The following DNAH14 variants were observed in gnomAD, a reference collection of about 807,000 sequenced individuals.
DNAH14 encodes dynein axonemal heavy chain 14.
Under a neutral mutation model 520.9 loss-of-function variants are expected in DNAH14, and 478 were observed. The observed-to-expected ratio is 0.92, with a 90% confidence interval of 0.85 to 0.99. DNAH14 has a LOEUF of 0.99. DNAH14 is among the 50% of genes least tolerant of loss of function. The probability of loss-of-function intolerance (pLI) is 0.00; values close to 1 mark genes in which losing one functional copy is unlikely to be tolerated. For synonymous variants in DNAH14, 1,581 were observed against 1,757.2 expected, an observed-to-expected ratio of 0.90 and a Z score of 2.51; for missense variants, 4,831 against 5,234.5, an observed-to-expected ratio of 0.92 and a Z score of 2.38.
At chr1:225,215,962 C>T (rs555576224) in intron 41 of DNAH14, among the ~76,000 whole-genome samples, 2 of 152,086 alleles carry the variant, frequency 1.3e-5, no homozygotes, top group Non-Finnish European at 2.9e-5. Flanking sequence ...TTATTTTGCT[C>T]GTTAGTTGAT....
chr1:225,368,249 G>A (rs974241101), intron 77 of DNAH14, among the ~76,000 whole-genome samples: 4 of 152,182 alleles, frequency 2.6e-5, no homozygotes, highest in African/African-American at 9.7e-5. Flanking sequence ...GTATAAGTAC[G>A]TAATCTATTG....
Position 225,050,255 on chromosome 1 carries a change from T to C in DNAH14, c.1958T>C (p.Ile653Thr), listed in dbSNP as rs2068413744. The C allele has an allele frequency of 1.9e-6, 3 of 1,549,716 alleles. No homozygotes were observed. Among genetic ancestry groups the C allele is most frequent in the Non-Finnish European group, 2.6e-6 (3 of 1,146,306 alleles). Residue 653 changes from isoleucine to threonine, a missense_variant, in exon 16 of 86, where the codon ATT becomes ACT. Ile to Thr is a moderately conservative substitution (Grantham distance 89). Coordinates refer to ENST00000682510, the MANE Select transcript of DNAH14 (RefSeq NM_001367479.1). ...CAAGATCCCCAGCTGTCTATCTTCA[T>C]TGATTTGGTTTCAATAATGGATTTA... ...LCQDPQLSIF[I>T]DLVSIMDLPN...
chr1:224,961,163 C>A (rs1288600232), intron 4 of DNAH14: 2 of 152,088 alleles, frequency 1.3e-5, no homozygotes, highest in Non-Finnish European at 2.9e-5. Flanking sequence ...GAAATGAATT[C>A]TTCTTACAAC....
chr1:225,325,462 G>A (rs1474880646), intron 64 of DNAH14, among the ~76,000 whole-genome samples: 1 of 147,202 alleles, frequency 6.8e-6, no homozygotes, highest in Non-Finnish European at 1.5e-5. Context: ...TCCAGCCTGG[G>A]CAACAAGAGC....
At position 225,215,465 on chromosome 1, in the gene DNAH14, T is replaced by A. The variant is rs1209477033; in HGVS notation, c.6439+8245T>A. 2.6e-5 allele frequency among the ~76,000 whole-genome samples: 4 copies of A among 152,292 alleles called. No homozygotes were observed. The East Asian group carries it at 7.7e-4, about 29-fold the overall frequency. On this transcript the variant is annotated intron_variant, in intron 41 of 85. Coordinates refer to ENST00000682510, the MANE Select transcript of DNAH14 (RefSeq NM_001367479.1). ...GAGTTCAATTCCTGGATATCTTTGTTAACTTTCTGTCTCGTTGATCTGTCT... is the reference window on the plus strand; with the variant it reads ...GAGTTCAATTCCTGGATATCTTTGTAAACTTTCTGTCTCGTTGATCTGTCT...
chr1:225,177,562 G>A (rs766342900), intron 36 of DNAH14, among the ~76,000 whole-genome samples: 21 of 152,080 alleles, frequency 1.4e-4, no homozygotes, highest in Non-Finnish European at 2.1e-4. Flanking sequence ...AAATGGTTTC[G>A]TGGGCCAAAC....
chr1:225,351,246 C>T (rs1361036767), intron 71 of DNAH14, among the ~76,000 whole-genome samples: 1 of 151,974 alleles, frequency 6.6e-6, no homozygotes, highest in African/African-American at 2.4e-5. Flanking sequence ...CAAAAATTAG[C>T]TGGGCATTGT....
intron 50 of DNAH14, among the ~76,000 whole-genome samples, chr1:225,271,147 T>C (rs1293686311): frequency 6.6e-6 from 1 of 152,194 alleles, no homozygotes; most frequent in African/African-American, 2.4e-5. Context: ...TGGCCTGGCA[T>C]GTAGGAATCT....
chr1:225,125,545 C>T (rs1381996884), intron 27 of DNAH14, among the ~76,000 whole-genome samples: 2 of 152,190 alleles, frequency 1.3e-5, no homozygotes, highest in Non-Finnish European at 2.9e-5. Context: ...TTTTCTTCTG[C>T]AGCATTCCTT....
chr1:225,078,911 C>T (rs1188362955), intron 17 of DNAH14, among the ~76,000 whole-genome samples: 2 of 94,328 alleles, frequency 2.1e-5, no homozygotes, highest in African/African-American at 8.2e-5. Context: ...CGCTTTTCTG[C>T]CTTGGTAAGA....
intron 64 of DNAH14, among the ~76,000 whole-genome samples, chr1:225,327,213 A>G (rs2094692630): frequency 6.6e-6 from 1 of 151,678 alleles, no homozygotes; most frequent in Non-Finnish European, 1.5e-5. Context: ...GCTGAAGTGC[A>G]GAGGCGCGAT....
chr1:225,376,989 C>G (rs901192076), intron 78 of DNAH14, among the ~76,000 whole-genome samples: 17 of 150,560 alleles, frequency 1.1e-4, no homozygotes, highest in Admixed American at 9.9e-4. Context: ...TTCTTTCTCT[C>G]TTTTCCCAAA....
At chr1:225,034,515 TTGTGTGTGTGTG>T (rs71170047) in intron 11 of DNAH14, among the ~76,000 whole-genome samples, 118,485 of 147,772 alleles carry the variant, frequency 0.8, 50,352 homozygotes, top group Non-Finnish European at 0.96. Context: ...TGGCTTGAAT[TTGTGTGTGTGTG>T]TGTGTGTGTG....
At chr1:225,174,953 T>G (rs2083150553) in intron 36 of DNAH14, among the ~76,000 whole-genome samples, 1 of 152,216 alleles carries the variant, frequency 6.6e-6, no homozygotes. Flanking sequence ...TTGTCCCAGA[T>G]TTTGTTAATG....
rs2085601330 is a variant in DNAH14, at chr1:225,192,686, T to A, written c.5671-10T>A. 6.5e-7 allele frequency: 1 copy of A among 1,536,000 alleles called. No homozygotes were observed. The highest frequency in any genetic ancestry group is 1.4e-5 in the African/African-American group (1 of 72,636). ...TAATGTCTTTAAAAACTACACTGGA[T>A]TTTTCCCAGATTTCAGAAAGAAAAG... On this transcript the variant is annotated splice_polypyrimidine_tract_variant and intron_variant, in intron 37 of 85. Transcript: ENST00000682510.
chr1:225,378,294 C>G (rs1212549790), intron 79 of DNAH14, among the ~76,000 whole-genome samples: 1 of 152,056 alleles, frequency 6.6e-6, no homozygotes, highest in Non-Finnish European at 1.5e-5. Flanking sequence ...CTATCATATT[C>G]AATGTAATTT....
In DNAH14 at chr1:225,265,181, G is replaced by A; in HGVS notation, c.7223-1G>A. On this transcript the variant is annotated splice_acceptor_variant, in intron 47 of 85. Coordinates refer to ENST00000682510, the MANE Select transcript of DNAH14 (RefSeq NM_001367479.1). LOFTEE classifies it high-confidence loss of function. ...TTTTCTTTCTATGTTTGGCATCACA[G>A]ATAATCCCACTAAAAAGCCAGAAGT... 6.8e-7 allele frequency: 1 copy of A among 1,464,926 alleles called. No homozygotes were observed. 90.7% of individuals were successfully genotyped at this position (1,464,926 alleles called of 1,614,324 possible). A position where few individuals can be genotyped will look rare whatever the true frequency, so the allele number is the denominator to read the frequency against.
intron 7 of DNAH14, chr1:224,969,621 G>GT: frequency 3.8e-6 from 1 of 260,562 alleles, no homozygotes; most frequent in Non-Finnish European, 7.1e-6. Context: ...GTAGAGGTTG[G>GT]TTTTTGTTGC....
rs902686266 is a variant in DNAH14 at position 225,232,667 on chromosome 1, A to C, written c.6518+1516A>C. Among the ~76,000 whole-genome samples the C allele has an allele frequency of 6.6e-6, 1 of 152,112 alleles. No homozygotes were observed. Among genetic ancestry groups the C allele is most frequent in the African/African-American group, 2.4e-5 (1 of 41,400 alleles). On this transcript the variant is annotated intron_variant, in intron 42 of 85. Transcript: ENST00000682510. This position sits in a 1 kb window ranked among gnomAD's most constrained non-coding sequence, Gnocchi z 4.2. ...GGCACACGTATTCCTTCTGCCCAAG[A>C]TGTTCTTTCTCCTGTATTTTGCCAA...
Sources: allele counts gnomAD v4.1 joint callset (sites outside exome capture counted in the v4.1 genomes callset), GRCh38; gene constraint gnomAD v4.1.1; non-coding constraint Gnocchi (gnomAD v3.1); transcripts MANE v1.5; gene names NCBI Gene and HGNC (gene_info 2026-07-23, HGNC 2026-07-21).